Variants in TAMALIN observed in about 807,000 individuals in gnomAD.
TAMALIN encodes the protein trafficking regulator and scaffold protein tamalin.
TAMALIN carries 9 observed loss-of-function variants against 38.5 expected under a neutral mutation model. The observed-to-expected ratio is 0.23, with a 90% confidence interval of 0.14 to 0.41. TAMALIN has a LOEUF of 0.41. TAMALIN is among the 10% of genes least tolerant of loss of function. The pLI is 1.00. For synonymous variants in TAMALIN, 306 were observed against 256.5 expected (o/e 1.19, Z -1.85); for missense variants, 548 against 554.1 (o/e 0.99, Z 0.11).
At chr12:52,010,014 C>T (rs1390772251) in intron 2 of TAMALIN, among the ~76,000 whole-genome samples, 1 of 152,084 alleles carries the variant, frequency 6.6e-6, no homozygotes, top group Admixed American at 6.5e-5. Context: ...TCCAAAAAAC[C>T]CTAGAACATT....
rs761696694 is a variant in TAMALIN, at chr12:52,010,946, C to T, written c.351+11C>T. The T allele has an allele frequency of 6.2e-7, 1 of 1,614,144 alleles. No homozygotes were observed. The highest frequency in any genetic ancestry group is 8.5e-7 in the Non-Finnish European group (1 of 1,180,008). ...GGCTTTGAGATCCAGGTGGGAGAAGCTGCACACAGGGGTCAGGGGGGTTGG... is the reference window on the plus strand; with the variant it reads ...GGCTTTGAGATCCAGGTGGGAGAAGTTGCACACAGGGGTCAGGGGGGTTGG... On this transcript the variant is annotated intron_variant, in intron 3 of 7. Transcript: ENST00000293662.
intron 1 of TAMALIN, among the ~76,000 whole-genome samples, 153 bp from the exon 2 acceptor site, chr12:52,009,037 T>C (rs548170109): frequency 6.6e-6 from 1 of 152,312 alleles, no homozygotes; most frequent in East Asian, 1.9e-4. Context: ...TAGTGGCACT[T>C]GGCAAATAGT....
chr12:52,008,138 C>T lies in TAMALIN; in HGVS notation c.246+873C>T, dbSNP rs1332523470. On this transcript the variant is annotated intron_variant, in intron 1 of 7. Coordinates refer to ENST00000293662, the MANE Select transcript of TAMALIN (RefSeq NM_181711.4). ...AGACAAAGGGGTCTCTCTGTGCTGCCCAGTCCTTCCTCCCTGGCCGTTTGG... is the reference window on the plus strand; with the variant it reads ...AGACAAAGGGGTCTCTCTGTGCTGCTCAGTCCTTCCTCCCTGGCCGTTTGG... The T allele has an allele frequency of 3.0e-6, 3 of 985,292 alleles. No homozygotes were observed. The East Asian group carries it at 3.4e-4, about 112-fold the overall frequency. 61.0% of individuals were successfully genotyped at this position (985,292 alleles called of 1,614,324 possible).
rs1937769526 is a variant in TAMALIN, at chr12:52,015,043, C to T, written c.1032C>T (p.Gly344=). ...GCGCGGGCCCTGGCGGGGGCGGAGG[C>T]GGGGGCGCGCCGGGCGCGCTCTGGA... The part of the protein sequence containing the change: ...VRCAGPGGGG[G]GGAPGALWTE... Residue 344 remains glycine (G), a synonymous_variant, in exon 8 of 8, where the codon GGC becomes GGT. Transcript: ENST00000293662. The T allele has an allele frequency of 7.4e-6, 10 of 1,349,164 alleles. No homozygotes were observed. The highest frequency in any genetic ancestry group is 8.5e-6 in the Non-Finnish European group (9 of 1,056,982). 83.6% of individuals were successfully genotyped at this position (1,349,164 alleles called of 1,614,324 possible).
Position 52,015,638 on chromosome 12 carries a change from CATGACCCAGCGGG to C in TAMALIN, c.*440_*452del. The C allele has an allele frequency of 6.2e-6, 1 of 160,092 alleles. No individual in the cohort carries two copies. Among genetic ancestry groups the C allele is most frequent in the African/African-American group, 2.4e-5 (1 of 41,624 alleles). The allele number at this position is 160,092 out of a possible 1,614,324, so 9.9% of individuals were successfully genotyped here. A position where few individuals can be genotyped will look rare whatever the true frequency, so the allele number is the denominator to read the frequency against. On this transcript the variant is annotated 3_prime_UTR_variant, in exon 8 of 8. Coordinates refer to ENST00000293662, the MANE Select transcript of TAMALIN (RefSeq NM_181711.4). ...CCCCCACCCTCCACACACACAGTTC[CATGACCCAGCGGG>C]CCCCCAGGGGCATCAGGTGCTGGTC...
intron 2 of TAMALIN, chr12:52,010,472 T>A: frequency 9.7e-7 from 1 of 1,026,826 alleles, no homozygotes; most frequent in South Asian, 3.7e-5. Flanking sequence ...GCCTCGTGAC[T>A]GGCCTCTGGG....
chr12:52,011,108 T>C lies in TAMALIN; in HGVS notation c.421T>C (p.Ser141Pro). 6.2e-7 allele frequency: 1 copy of C among 1,612,498 alleles called. No individual in the cohort carries two copies. The highest frequency in any genetic ancestry group is 8.5e-7 in the Non-Finnish European group (1 of 1,179,920). ...MVTFVCRVHE[S>P]SPAQLAGLTP... ...GACCTTTGTCTGCCGAGTTCATGAG[T>C]CTAGCCCTGCCCAGCTGGCTGGGCT... The change falls in exon 4 of 8, where the codon TCT becomes CCT. Residue 141 changes from serine (S) to proline (P), a missense_variant. Ser to Pro is a moderately conservative substitution (Grantham distance 74, BLOSUM62 -1). Coordinates refer to ENST00000293662, the MANE Select transcript of TAMALIN (RefSeq NM_181711.4). This position sits in a 1 kb window ranked among gnomAD's most constrained non-coding sequence, Gnocchi z 5.3.
Position 52,011,114 on chromosome 12 carries a change from C to A in TAMALIN, c.427C>A (p.Pro143Thr). The A allele has an allele frequency of 6.2e-7, 1 of 1,612,626 alleles. No homozygotes were observed. The highest frequency in any genetic ancestry group is 1.3e-5 in the African/African-American group (1 of 75,020). ...TFVCRVHESS[P>T]AQLAGLTPGD... ...TGTCTGCCGAGTTCATGAGTCTAGC[C>A]CTGCCCAGCTGGCTGGGCTCACACC... is the stretch of plus-strand genomic sequence containing the variant. The change falls in exon 4 of 8, where the codon CCT (proline) becomes ACT (threonine). Residue 143 changes from proline to threonine, a missense_variant. Around this residue, in one of 3 missense-constraint regions of TAMALIN, gnomAD observed 415 missense variants for 417.0 expected, o/e 1.00. Coordinates refer to ENST00000293662, the MANE Select transcript of TAMALIN (RefSeq NM_181711.4). The surrounding 1 kb of genome is among the most constrained non-coding windows in gnomAD (Gnocchi z 5.3).
At position 52,014,706 on chromosome 12, in the gene TAMALIN, A is replaced by G; in HGVS notation, c.695A>G (p.Lys232Arg). 1 of 1,505,108 alleles carries G rather than the reference A, an allele frequency of 6.6e-7. No individual in the cohort carries two copies. Among genetic ancestry groups the G allele is most frequent in the South Asian group, 1.3e-5 (1 of 75,324 alleles). 93.2% of individuals were successfully genotyped at this position (1,505,108 alleles called of 1,614,324 possible). A position where few individuals can be genotyped will look rare whatever the true frequency, so the allele number is the denominator to read the frequency against. ...CGTCTCTGCGCAGGCCTGGTGGTGA[A>G]GGACCCCAGCATCTACGACACGCTG... ...EQRLVHGLVV[K>R]DPSIYDTLES... is the part of the protein sequence containing the mutation. The change falls in exon 8 of 8, where the codon AAG becomes AGG. Residue 232 changes from lysine to arginine, a missense_variant. Transcript: ENST00000293662.
In TAMALIN at chr12:52,011,531, G is replaced by T. The variant is rs1470567001; in HGVS notation, c.454+390G>T. On this transcript the variant is annotated intron_variant, in intron 4 of 7. Transcript: ENST00000293662. This position sits in a 1 kb window ranked among gnomAD's most constrained non-coding sequence, Gnocchi z 5.3. ...TCCATTAAGTCTGTTTGATATTGGGGATCAGGCCAATCCTGCCCCAAAATG... is the reference window on the plus strand; with the variant it reads ...TCCATTAAGTCTGTTTGATATTGGGTATCAGGCCAATCCTGCCCCAAAATG... Among the ~76,000 whole-genome samples the T allele has an allele frequency of 6.6e-6, 1 of 152,090 alleles. No individual in the cohort carries two copies. The highest frequency in any genetic ancestry group is 1.5e-5 in the Non-Finnish European group (1 of 68,020).
intron 4 of TAMALIN, 136 bp from the exon 5 acceptor site, chr12:52,013,551 T>C: frequency 1.5e-6 from 1 of 682,274 alleles, no homozygotes. Context: ...CAGAGAACCA[T>C]GAGGAGTTGG....
intron 1 of TAMALIN, chr12:52,008,286 G>T (rs1241882779): frequency 1.1e-5 from 11 of 985,202 alleles, no homozygotes; most frequent in Non-Finnish European, 1.1e-5. Flanking sequence ...AGGCTCCAAA[G>T]AAAAGGGCTG....
At position 52,007,494 on chromosome 12, in the gene TAMALIN, C is replaced by T. The variant is rs1398639118; in HGVS notation, c.246+229C>T. On this transcript the variant is annotated intron_variant, in intron 1 of 7. Transcript: ENST00000293662. The surrounding 1 kb of genome is among the most constrained non-coding windows in gnomAD (Gnocchi z 6.7). The stretch of plus-strand genomic sequence containing the variant: ...TCTTAACTCCGCGCCCCATGCACGC[C>T]CCCTCTCTCCCTCCTTGACTCCTCC... The T allele has an allele frequency of 1.0e-6, 1 of 984,374 alleles. No individual in the cohort carries two copies. The highest frequency in any genetic ancestry group is 4.7e-5 in the South Asian group (1 of 21,262). 61.0% of individuals were successfully genotyped at this position (984,374 alleles called of 1,614,324 possible).
chr12:52,013,451 G>A (rs770078984), intron 4 of TAMALIN: 53 of 509,716 alleles, frequency 1.0e-4, no homozygotes, highest in South Asian at 3.8e-4. Context: ...GGTGCTGGGC[G>A]TGGACAACCT....
At chr12:52,014,637 C>A (rs1937742317) in intron 7 of TAMALIN, 57 bp from the exon 8 acceptor site, 4 of 1,331,440 alleles carry the variant, frequency 3.0e-6, no homozygotes, top group Non-Finnish European at 4.0e-6. Flanking sequence ...CGACCCTTTG[C>A]AGAGGCCACC....
Position 52,010,861 on chromosome 12 carries a change from G to T in TAMALIN, c.297-20G>T. On this transcript the variant is annotated intron_variant, in intron 2 of 7. Transcript: ENST00000293662. ...TACACCTTTTAATCCTAATTGTCTT[G>T]ACCCCTGTGTCTCTTGCAGGAAAGT... 6.2e-7 allele frequency: 1 copy of T among 1,613,708 alleles called. No individual in the cohort carries two copies. The highest frequency in any genetic ancestry group is 1.1e-5 in the South Asian group (1 of 90,794).
chr12:52,009,218 G>T lies in TAMALIN; in HGVS notation c.275G>T (p.Ser92Ile). 1 of 1,614,072 alleles carries T rather than the reference G, an allele frequency of 6.2e-7. No homozygotes were observed. Among genetic ancestry groups the T allele is most frequent in the Non-Finnish European group, 8.5e-7 (1 of 1,180,012 alleles). ...KGSGFRWKNLSQSPEQQRKVL... is the reference protein window; with the variant it reads ...KGSGFRWKNLIQSPEQQRKVL... Reference sequence around the variant, plus strand: ...TCAGGATTCCGCTGGAAGAATCTCAGCCAGAGTCCTGAACAGCAGCGGTGA... The same window carrying T: ...TCAGGATTCCGCTGGAAGAATCTCATCCAGAGTCCTGAACAGCAGCGGTGA... The change falls in exon 2 of 8, where the codon AGC becomes ATC. Residue 92 changes from serine to isoleucine, a missense_variant. Around this residue, in one of 3 missense-constraint regions of TAMALIN, gnomAD observed 415 missense variants for 417.0 expected, o/e 1.00. Coordinates refer to ENST00000293662, the MANE Select transcript of TAMALIN (RefSeq NM_181711.4).
In TAMALIN at chr12:52,014,728, G is replaced by A. The variant is rs1477326171; in HGVS notation, c.717G>A (p.Thr239=). 9.2e-6 allele frequency: 14 copies of A among 1,520,358 alleles called. No homozygotes were observed. The highest frequency in any genetic ancestry group is 8.7e-6 in the Non-Finnish European group (10 of 1,147,280). The allele number at this position is 1,520,358 out of a possible 1,614,324, so 94.2% of individuals were successfully genotyped here. A position where few individuals can be genotyped will look rare whatever the true frequency, so the allele number is the denominator to read the frequency against. Residue 239 remains threonine, a synonymous_variant, in exon 8 of 8, where the codon ACG becomes ACA. Coordinates refer to ENST00000293662, the MANE Select transcript of TAMALIN (RefSeq NM_181711.4). ...TGAAGGACCCCAGCATCTACGACAC[G>A]CTGGAGTCGGTGCGCTCCTGCCTCT... The part of the protein sequence containing the change: ...LVVKDPSIYD[T]LESVRSCLYG...
In TAMALIN at chr12:52,015,035, G is replaced by A; in HGVS notation, c.1024G>A (p.Gly342Ser). ...ASVRCAGPGGGGGGGAPGALW... is the reference protein window; with the variant it reads ...ASVRCAGPGGSGGGGAPGALW... Reference sequence around the variant, plus strand: ...TGTGCGGTGCGCGGGCCCTGGCGGGGGCGGAGGCGGGGGCGCGCCGGGCGC... The same window carrying A: ...TGTGCGGTGCGCGGGCCCTGGCGGGAGCGGAGGCGGGGGCGCGCCGGGCGC... Residue 342 changes from glycine (G) to serine (S), a missense_variant, in exon 8 of 8, where the codon GGC (glycine) becomes AGC (serine). This residue lies in a region of TAMALIN where 415 missense variants were observed against 417.0 expected (regional missense o/e 1.00). Coordinates refer to ENST00000293662, the MANE Select transcript of TAMALIN (RefSeq NM_181711.4). 2.3e-6 allele frequency: 3 copies of A among 1,327,484 alleles called. No homozygotes were observed. The South Asian group carries it at 5.0e-5, about 22-fold the overall frequency. 82.2% of individuals were successfully genotyped at this position (1,327,484 alleles called of 1,614,324 possible).
Sources: allele counts gnomAD v4.1 joint callset (sites outside exome capture counted in the v4.1 genomes callset), GRCh38; gene constraint gnomAD v4.1.1; regional missense constraint gnomAD v4.1.1; non-coding constraint Gnocchi (gnomAD v3.1); transcripts MANE v1.5; gene names NCBI Gene and HGNC (gene_info 2026-07-23, HGNC 2026-07-21).